ATP8A1: variants seen among roughly 807,000 people sequenced by gnomAD.
ATP8A1 encodes phospholipid-transporting ATPase IA.
ATP8A1 carries 90 observed loss-of-function variants against 177.7 expected under a neutral mutation model. The observed-to-expected ratio is 0.51, with a 90% CI of 0.43 to 0.60. The LOEUF (loss-of-function observed/expected upper bound fraction) is 0.60, where lower values mean the gene tolerates loss of function less well. ATP8A1 is among the 20% of genes least tolerant of loss of function. ATP8A1 has a pLI of 0.00. For missense variants in ATP8A1, 1,072 were observed against 1,392.8 expected, an observed-to-expected ratio of 0.77 and a Z score of 3.67; for synonymous variants, 493 against 485.9, an observed-to-expected ratio of 1.01 and a Z score of -0.19.
At chr4:42,465,888 C>T (rs550303322) in intron 25 of ATP8A1, among the ~76,000 whole-genome samples, 13 of 151,870 alleles carry the variant, frequency 8.6e-5, no homozygotes, top group Non-Finnish European at 1.6e-4. Flanking sequence ...AAAAATTAGC[C>T]GGGCGTGGTG....
At chr4:42,647,681 T>A (rs1394495372) in intron 1 of ATP8A1, among the ~76,000 whole-genome samples, 1 of 152,062 alleles carries the variant, frequency 6.6e-6, no homozygotes, top group African/African-American at 2.4e-5. Flanking sequence ...TTTCTTTTAG[T>A]GCTGATCTGA....
chr4:42,554,918 C>A (rs1020723210), intron 16 of ATP8A1, among the ~76,000 whole-genome samples: 2 of 152,172 alleles, frequency 1.3e-5, no homozygotes, highest in Non-Finnish European at 2.9e-5. Context: ...CTGGCTTAGC[C>A]TCCCAGCCTA....
At chr4:42,418,952 A>C (rs1275257375) in intron 35 of ATP8A1, among the ~76,000 whole-genome samples, 1 of 152,196 alleles carries the variant, frequency 6.6e-6, no homozygotes, top group Non-Finnish European at 1.5e-5. Context: ...TTTATACACA[A>C]CTTGAGTTTA....
intron 35 of ATP8A1, among the ~76,000 whole-genome samples, chr4:42,420,989 C>T (rs557822837): frequency 4.6e-5 from 7 of 152,032 alleles, no homozygotes; most frequent in Non-Finnish European, 8.8e-5. Context: ...AGGATGGTCT[C>T]GATCTCCTGA....
intron 7 of ATP8A1, 67 bp downstream of exon 7, chr4:42,590,744 G>A: frequency 7.0e-7 from 1 of 1,423,696 alleles, no homozygotes; most frequent in East Asian, 2.3e-5. Flanking sequence ...ATATTTGGGT[G>A]CAACTGTTCT....
At chr4:42,544,347 A>G (rs1728684071) in intron 19 of ATP8A1, among the ~76,000 whole-genome samples, 1 of 152,242 alleles carries the variant, frequency 6.6e-6, no homozygotes, top group East Asian at 1.9e-4. Context: ...TATAGTTTTT[A>G]TGAAAAATAG....
At chr4:42,493,684 G>A (rs760720629) in intron 24 of ATP8A1, among the ~76,000 whole-genome samples, 1 of 152,120 alleles carries the variant, frequency 6.6e-6, no homozygotes, top group African/African-American at 2.4e-5. Context: ...TTGCTCTGCC[G>A]CGTACTGGCT....
intron 34 of ATP8A1, 33 bp downstream of exon 34, chr4:42,423,584 T>C: frequency 6.9e-7 from 1 of 1,443,316 alleles, no homozygotes; most frequent in East Asian, 2.3e-5. Context: ...TATGCATCTA[T>C]ATTTCTCCGT....
In ATP8A1 at chr4:42,588,255, C is replaced by T. The variant is rs1266359909; in HGVS notation, c.594+5G>A. The T allele has an allele frequency of 6.2e-7, 1 of 1,604,910 alleles. No individual in the cohort carries two copies. The highest frequency in any genetic ancestry group is 1.7e-5 in the Admixed American group (1 of 59,880). ...GATTATACATATACTTGTATCAGAT[C>T]TTACCTGTCTAATTTTCAAGTTTGT... On this transcript the variant is annotated splice_donor_5th_base_variant and intron_variant, in intron 8 of 36. Transcript: ENST00000381668.
intron 1 of ATP8A1, among the ~76,000 whole-genome samples, chr4:42,652,189 C>A (rs1001035944): frequency 6.6e-6 from 1 of 152,154 alleles, no homozygotes; most frequent in African/African-American, 2.4e-5. Context: ...ATTAGTCCTC[C>A]TTCCCAATTT....
At chr4:42,453,211 T>A (rs1302546679) in intron 29 of ATP8A1, among the ~76,000 whole-genome samples, 1 of 152,184 alleles carries the variant, frequency 6.6e-6, no homozygotes, top group Non-Finnish European at 1.5e-5. Flanking sequence ...CTTTTTACCA[T>A]AACAAACATA....
chr4:42,628,184 T>C (rs1157763589), intron 1 of ATP8A1, among the ~76,000 whole-genome samples: 1 of 152,160 alleles, frequency 6.6e-6, no homozygotes. Context: ...TGACTGTTTT[T>C]TGGGGGCAAG....
At chr4:42,568,545 A>G (rs1196739342) in intron 15 of ATP8A1, among the ~76,000 whole-genome samples, 1 of 152,226 alleles carries the variant, frequency 6.6e-6, no homozygotes, top group East Asian at 1.9e-4. Flanking sequence ...TTTAAGGTAA[A>G]ACCAACAAAA....
intron 15 of ATP8A1, among the ~76,000 whole-genome samples, chr4:42,562,648 C>A (rs1228638418): frequency 6.6e-6 from 1 of 152,104 alleles, no homozygotes; most frequent in African/African-American, 2.4e-5. Flanking sequence ...GGCTGTGTTC[C>A]CACCCAAATC....
At chr4:42,537,736 A>G (rs962690428) in intron 20 of ATP8A1, among the ~76,000 whole-genome samples, 6 of 152,240 alleles carry the variant, frequency 3.9e-5, no homozygotes, top group Admixed American at 3.3e-4. Context: ...GGAAAACTAC[A>G]AAACACTGCT....
intron 18 of ATP8A1, among the ~76,000 whole-genome samples, chr4:42,549,815 T>A (rs887723835): frequency 6.6e-6 from 1 of 151,952 alleles, no homozygotes; most frequent in African/African-American, 2.4e-5. Context: ...AAATAATTGG[T>A]GTTGGGAAAC....
intron 6 of ATP8A1, among the ~76,000 whole-genome samples, chr4:42,600,061 T>G (rs1427468659): frequency 1.3e-5 from 2 of 152,200 alleles, no homozygotes; most frequent in African/African-American, 2.4e-5. Context: ...ATTTTTGTTT[T>G]AAAGGAATTA....
At chr4:42,513,271 G>A (rs886097194) in intron 22 of ATP8A1, among the ~76,000 whole-genome samples, 1 of 152,062 alleles carries the variant, frequency 6.6e-6, no homozygotes, top group Non-Finnish European at 1.5e-5. Context: ...CTGTAATACA[G>A]GATTATCATT....
At chr4:42,646,166 G>C (rs1335462044) in intron 1 of ATP8A1, among the ~76,000 whole-genome samples, 1 of 152,196 alleles carries the variant, frequency 6.6e-6, no homozygotes, top group Admixed American at 6.5e-5. Context: ...CAGAAACCTT[G>C]GTAGGCCTGG....
Sources: gnomAD v4.1 joint callset for allele counts (sites outside exome capture counted in the v4.1 genomes callset) on GRCh38, gnomAD v4.1.1 for gene constraint, MANE v1.5 for transcripts, NCBI Gene and HGNC (gene_info 2026-07-23, HGNC 2026-07-21) for gene names.